RRP1B: variants seen among roughly 807,000 people sequenced by gnomAD.
RRP1B encodes the protein ribosomal RNA processing protein 1 homolog B.
RRP1B carries 56 observed loss-of-function variants against 80.2 expected under a neutral mutation model. That is an observed-to-expected ratio of 0.70 (90% CI 0.56 to 0.87). RRP1B has a LOEUF of 0.87. Ranked by LOEUF, RRP1B falls within the 40% of genes least tolerant of loss-of-function variation. The pLI is 0.00. For synonymous variants in RRP1B, 351 were observed against 357.6 expected, an observed-to-expected ratio of 0.98 and a Z score of 0.21; for missense variants, 807 against 939.8, an observed-to-expected ratio of 0.86 and a Z score of 1.85.
intron 9 of RRP1B, among the ~76,000 whole-genome samples, chr21:43,683,716 A>G (rs1442955596): frequency 6.6e-6 from 1 of 152,160 alleles, no homozygotes; most frequent in Non-Finnish European, 1.5e-5. Context: ...TTACAAGCTC[A>G]CGCCTGTAAT....
intron 4 of RRP1B, 108 bp from the exon 5 acceptor site, chr21:43,674,528 C>T (rs1242646330): frequency 6.4e-6 from 5 of 779,640 alleles, no homozygotes; most frequent in Non-Finnish European, 1.0e-5. Flanking sequence ...GGATCCAGGC[C>T]ATAACAATTT....
intron 1 of RRP1B, among the ~76,000 whole-genome samples, chr21:43,660,889 C>G (rs1043275506): frequency 6.6e-6 from 1 of 152,100 alleles, no homozygotes. Flanking sequence ...TTTACCTGAT[C>G]CAAAAATACT....
At chr21:43,674,582 T>A in intron 4 of RRP1B, 54 bp from the exon 5 acceptor site, 3 of 1,188,300 alleles carry the variant, frequency 2.5e-6, no homozygotes, top group Non-Finnish European at 2.3e-6. Context: ...ATTTCTTACC[T>A]TTCCTTTTTT....
At chr21:43,683,400 G>C in intron 9 of RRP1B, 27 bp downstream of exon 9, 1 of 1,578,752 alleles carries the variant, frequency 6.3e-7, no homozygotes, top group Non-Finnish European at 8.7e-7. Flanking sequence ...GCTTTTTATA[G>C]AATATAGATT....
rs913845357 is a variant in RRP1B at position 43,694,609 on chromosome 21, C to G, written c.*1226C>G. The G allele has an allele frequency of 3.9e-5, 6 of 152,278 alleles. No individual in the cohort carries two copies. The highest frequency in any genetic ancestry group is 1.4e-4 in the African/African-American group (6 of 41,454). The allele number at this position is 152,278 out of a possible 1,614,324, so 9.4% of individuals were successfully genotyped here. On this transcript the variant is annotated 3_prime_UTR_variant, in exon 16 of 16. Transcript: ENST00000340648. ...GGTGAGAGGGCACGGGCACACGGTT[C>G]GGGCTGGCGTGCAGCTCTCCCAGCC...
At chr21:43,665,522 G>A (rs1021814305) in intron 1 of RRP1B, among the ~76,000 whole-genome samples, 2 of 152,102 alleles carry the variant, frequency 1.3e-5, no homozygotes, top group East Asian at 1.9e-4. Context: ...GAACATCTAC[G>A]CCATGCTAGT....
chr21:43,695,711 A>G lies in RRP1B; in HGVS notation c.*2328A>G, dbSNP rs1162409774. The G allele has an allele frequency of 1.3e-5, 2 of 152,266 alleles. No individual in the cohort carries two copies. Among genetic ancestry groups the G allele is most frequent in the Non-Finnish European group, 2.9e-5 (2 of 68,052 alleles). 9.4% of individuals were successfully genotyped at this position (152,266 alleles called of 1,614,324 possible). On this transcript the variant is annotated 3_prime_UTR_variant, in exon 16 of 16. Coordinates refer to ENST00000340648, the MANE Select transcript of RRP1B (RefSeq NM_015056.3). ...AATTGCCAAGTGGACTTGGAAGTCC[A>G]GAAAGGAAAATAATTTAAATTAATG...
At chr21:43,690,175 G>A (rs962513475) in intron 13 of RRP1B, 113 bp from the exon 14 acceptor site, 61 of 1,266,324 alleles carry the variant, frequency 4.8e-5, no homozygotes, top group East Asian at 4.5e-4. Context: ...ACCGCGGGCC[G>A]TCGGGTGGGC....
At chr21:43,685,321 A>G (rs143585865) in intron 10 of RRP1B, among the ~76,000 whole-genome samples, 44 of 152,146 alleles carry the variant, frequency 2.9e-4, no homozygotes, top group African/African-American at 9.6e-4. Context: ...CTCCTCCCCC[A>G]TGCACCTCCC....
At chr21:43,670,071 A>G in intron 2 of RRP1B, 105 bp downstream of exon 2, 1 of 691,424 alleles carries the variant, frequency 1.4e-6, no homozygotes, top group Non-Finnish European at 2.3e-6. Context: ...ACGCACACTG[A>G]CAGTCATGCT....
rs900617791 is a variant in RRP1B, at chr21:43,684,628, C to T, written c.967C>T (p.Arg323Cys). The T allele has an allele frequency of 1.2e-5, 20 of 1,613,998 alleles. No individual in the cohort carries two copies. The highest frequency in any genetic ancestry group is 2.2e-5 in the South Asian group (2 of 91,082). Residue 323 changes from arginine (R) to cysteine (C), a missense_variant, in exon 10 of 16, where the codon CGC becomes TGC. Physicochemically the swap from Arg to Cys is radical, Grantham distance 180. Transcript: ENST00000340648. ...RKNTPHFNRKRLSKLIKKFQD... is the reference protein window; with the variant it reads ...RKNTPHFNRKCLSKLIKKFQD... ...GAACACGCCCCACTTCAACAGGAAG[C>T]GCCTCTCCAAACTCATCAAGAAGTC...
chr21:43,663,343 G>A (rs556348905), intron 1 of RRP1B, among the ~76,000 whole-genome samples: 3 of 152,270 alleles, frequency 2.0e-5, no homozygotes, highest in East Asian at 1.9e-4. Flanking sequence ...TCTGCTAACT[G>A]CAACCTCCAC....
chr21:43,665,585 C>T (rs768550898), intron 1 of RRP1B, among the ~76,000 whole-genome samples: 16 of 152,196 alleles, frequency 1.1e-4, no homozygotes, highest in African/African-American at 2.6e-4. Flanking sequence ...CTTGCTCTGT[C>T]GCTCAGGCTG....
At position 43,691,107 on chromosome 21, in the gene RRP1B, T is replaced by C. The variant is rs2083084513; in HGVS notation, c.2020-332T>C. Among the ~76,000 whole-genome samples the C allele has an allele frequency of 6.6e-6, 1 of 152,222 alleles. No homozygotes were observed. Among genetic ancestry groups the C allele is most frequent in the Admixed American group, 6.5e-5 (1 of 15,282 alleles). ...TTTAGGACAGTTCAGGCATCCTCTC[T>C]GTTTGCCTTTCTTCCCTGGATCGTA... is the stretch of plus-strand genomic sequence containing the variant. On this transcript the variant is annotated intron_variant, in intron 14 of 15. Transcript: ENST00000340648. This position sits in a 1 kb window ranked among gnomAD's most constrained non-coding sequence, Gnocchi z 4.2.
intron 6 of RRP1B, among the ~76,000 whole-genome samples, chr21:43,675,411 A>G (rs1046146198): frequency 1.3e-5 from 2 of 152,348 alleles, no homozygotes; most frequent in East Asian, 3.9e-4. Flanking sequence ...TAAAGAACTC[A>G]CTAACACGGG....
At chr21:43,692,128 A>C (rs955968676) in intron 15 of RRP1B, among the ~76,000 whole-genome samples, 2 of 152,150 alleles carry the variant, frequency 1.3e-5, no homozygotes, top group East Asian at 3.8e-4. Flanking sequence ...TAAATACTGA[A>C]AGCCGTCCCA....
At position 43,690,372 on chromosome 21, in the gene RRP1B, C is replaced by G. The variant is rs141468438; in HGVS notation, c.1951C>G (p.Pro651Ala). The G allele has an allele frequency of 3.0e-5, 48 of 1,614,108 alleles. No individual in the cohort carries two copies. In the African/African-American group the frequency reaches 6.0e-4, roughly 20 times the overall value. Residue 651 changes from proline (P) to alanine (A), a missense_variant, in exon 14 of 16, where the codon CCA becomes GCA. Transcript: ENST00000340648. The stretch of plus-strand genomic sequence containing the variant: ...TGTGAAGTTTGACACCCCCTTCTTA[C>G]CAAAGCCCCTGTTCTTCAGAAGAGC... ...DFVKFDTPFL[P>A]KPLFFRRAKS...
chr21:43,692,146 G>T (rs1190562641), intron 15 of RRP1B, among the ~76,000 whole-genome samples: 5 of 152,156 alleles, frequency 3.3e-5, no homozygotes, highest in African/African-American at 9.7e-5. Flanking sequence ...CCATAGAGAG[G>T]CCATTTGAGA....
chr21:43,684,431 T>C, intron 9 of RRP1B, 122 bp from the exon 10 acceptor site: 1 of 807,802 alleles, frequency 1.2e-6, no homozygotes, highest in South Asian at 1.6e-5. Flanking sequence ...CAGCACAAGC[T>C]TGTTTAGCCT....
Sources: allele counts gnomAD v4.1 joint callset (sites outside exome capture counted in the v4.1 genomes callset), GRCh38; gene constraint gnomAD v4.1.1; non-coding constraint Gnocchi (gnomAD v3.1); transcripts MANE v1.5; gene names NCBI Gene and HGNC (gene_info 2026-07-23, HGNC 2026-07-21).